Variants in ZP3 observed in about 807,000 individuals in gnomAD.
The protein encoded by ZP3 is zona pellucida glycoprotein 3.
In ZP3, 21 loss-of-function variants were observed where a neutral mutation model predicts 35.6. That is an observed-to-expected ratio of 0.59 (90% confidence interval 0.42 to 0.85). The LOEUF (loss-of-function observed/expected upper bound fraction) is 0.85. Ranked by LOEUF, ZP3 falls within the 40% of genes least tolerant of loss-of-function variation. ZP3 has a pLI of 0.00. For synonymous variants in ZP3, 207 were observed against 214.5 expected (o/e 0.96, Z 0.31); for missense variants, 437 against 536.5 (o/e 0.81, Z 1.83).
chr7:76,406,911 T>A lies in ZP3; in HGVS notation c.-67+9114T>A, dbSNP rs187944594. On this transcript the variant is annotated intron_variant, in intron 1 of 8. Coordinates refer to the ZP3 transcript ENST00000336517. ...TGTGTCATGGTAACTATGATTTACT[T>A]AATATTTTTCTCATTTTATTGGCAC... is the stretch of plus-strand genomic sequence containing the variant. Among the ~76,000 whole-genome samples the A allele has an allele frequency of 3.3e-4, 51 of 152,242 alleles. No individual in the cohort carries two copies. The East Asian group carries it at 9.5e-3, about 28-fold the overall frequency.
intron 1 of ZP3, among the ~76,000 whole-genome samples, chr7:76,413,044 C>G (rs1175660616): frequency 7.0e-6 from 1 of 143,290 alleles, no homozygotes; most frequent in African/African-American, 2.6e-5. Context: ...TTCACTGCAA[C>G]CTGTGCCTCC....
chr7:76,397,611 C>T (rs1231270858), exon 1 of ZP3: 4 of 1,611,684 alleles, frequency 2.5e-6, no homozygotes, highest in South Asian at 1.1e-5. Context: ...TCGCCGCCTT[C>T]GCAGTGCACG....
In ZP3 at chr7:76,400,580, C is replaced by G. The variant is rs369258749; in HGVS notation, c.-67+2783C>G. On this transcript the variant is annotated intron_variant, in intron 1 of 8. Coordinates refer to the ZP3 transcript ENST00000336517. ...CCCCGGCAGCGGCTGGGGCCCCCCA[C>G]CAGCCTCAGCTCTGTGAAGAGGGTG... 33 of 1,475,662 alleles carry G rather than the reference C, an allele frequency of 2.2e-5. 1 individual carries two copies. In the East Asian group the frequency reaches 8.4e-4, roughly 38 times the overall value. 91.4% of individuals were successfully genotyped at this position (1,475,662 alleles called of 1,614,324 possible). A position where few individuals can be genotyped will look rare whatever the true frequency, so the allele number is the denominator to read the frequency against.
rs1315929976 is a variant in ZP3 at position 76,433,624 on chromosome 7, T to A, written c.690T>A (p.Tyr230Ter). The A allele has an allele frequency of 2.5e-6, 4 of 1,611,638 alleles. No homozygotes were observed. Among genetic ancestry groups the A allele is most frequent in the Admixed American group, 1.7e-5 (1 of 59,724 alleles). ...TPTPDQNASP[Y>*]HTIVDFHGCL... is the part of the protein sequence containing the mutation. Reference sequence around the variant, plus strand: ...CACCAGACCAGAATGCCTCCCCTTATCACACCATCGTGGACTTCCATGGGT... The same window carrying A: ...CACCAGACCAGAATGCCTCCCCTTAACACACCATCGTGGACTTCCATGGGT... Residue 230 changes from tyrosine to a stop codon, truncating the protein, a stop_gained, in exon 4 of 8, where the codon TAT (tyrosine) becomes TAA (stop). Coordinates refer to ENST00000394857, the MANE Select transcript of ZP3 (RefSeq NM_001110354.2). LOFTEE classifies it high-confidence loss of function.
upstream of ZP3, among the ~76,000 whole-genome samples, chr7:76,423,023 GAGAGAAAGAAAGAAAGAAAGAAAGAA>G (rs1464546764): frequency 3.0e-5 from 3 of 98,834 alleles, no homozygotes; most frequent in East Asian, 2.9e-4. Flanking sequence ...GAGAGAGAGA[GAGAGAAAGAAAGAAAGAAAGAAAGAA>G]AGAAAGAAAG....
chr7:76,421,445 G>C (rs1032761746), upstream of ZP3, among the ~76,000 whole-genome samples: 13 of 151,706 alleles, frequency 8.6e-5, no homozygotes, highest in Admixed American at 8.6e-4. Flanking sequence ...GTAGAGATGG[G>C]GCCTCACTGT....
At chr7:76,409,155 T>G (rs1024749956) in intron 1 of ZP3, among the ~76,000 whole-genome samples, 1 of 152,062 alleles carries the variant, frequency 6.6e-6, no homozygotes, top group African/African-American at 2.4e-5. Flanking sequence ...GTGGTTGCCC[T>G]TGGCACAGGG....
chr7:76,406,279 G>T (rs1805029254), intron 1 of ZP3, among the ~76,000 whole-genome samples: 1 of 152,100 alleles, frequency 6.6e-6, no homozygotes, highest in African/African-American at 2.4e-5. Flanking sequence ...CACCTGGTCT[G>T]TGCATTCGAA....
At chr7:76,417,346 A>G (rs910053246) in intron 1 of ZP3, among the ~76,000 whole-genome samples, 4 of 152,090 alleles carry the variant, frequency 2.6e-5, no homozygotes, top group African/African-American at 9.7e-5. Context: ...GGCGTGAGCC[A>G]CCGTGCCCGG....
chr7:76,425,380 T>C, intron 1 of ZP3, 104 bp downstream of exon 1: 1 of 1,277,168 alleles, frequency 7.8e-7, no homozygotes, highest in Non-Finnish European at 1.1e-6. Context: ...GGTGGATCCC[T>C]CTCACTTGTA....
intron 1 of ZP3, among the ~76,000 whole-genome samples, chr7:76,418,576 G>T (rs1476414101): frequency 8.5e-6 from 1 of 117,562 alleles, no homozygotes; most frequent in African/African-American, 3.3e-5. Flanking sequence ...AAAAAAAAAG[G>T]CTGGGCACAG....
chr7:76,416,098 C>G (rs1805363507), intron 1 of ZP3, among the ~76,000 whole-genome samples: 2 of 151,060 alleles, frequency 1.3e-5, no homozygotes, highest in South Asian at 4.2e-4. Context: ...CCATTGCACT[C>G]CAGCCTGGGC....
intron 1 of ZP3, chr7:76,404,355 G>A (rs748947448): frequency 2.5e-6 from 4 of 1,613,124 alleles, no homozygotes; most frequent in African/African-American, 2.7e-5. Flanking sequence ...AGGAAGGGAG[G>A]GGCAGCACTC....
At chr7:76,400,554 G>A in intron 1 of ZP3, 1 of 1,510,072 alleles carries the variant, frequency 6.6e-7, no homozygotes, top group Non-Finnish European at 8.9e-7. Context: ...CTTCCAGGCG[G>A]CCCCGGCAGC....
chr7:76,405,986 T>TTCTTC (rs1805015106), intron 1 of ZP3, among the ~76,000 whole-genome samples: 1 of 143,700 alleles, frequency 7.0e-6, no homozygotes, highest in Non-Finnish European at 1.5e-5. Flanking sequence ...TTCCTTTCTT[T>TTCTTC]TCTTTTCTTT....
intron 1 of ZP3, among the ~76,000 whole-genome samples, chr7:76,401,971 A>G (rs1804844927): frequency 6.6e-6 from 1 of 151,814 alleles, no homozygotes; most frequent in African/African-American, 2.4e-5. Flanking sequence ...GATTCATCAT[A>G]TTTCCCTCCC....
At chr7:76,417,795 G>A (rs947437028) in intron 1 of ZP3, among the ~76,000 whole-genome samples, 18 of 151,082 alleles carry the variant, frequency 1.2e-4, no homozygotes, top group African/African-American at 4.1e-4. Context: ...TTTATTTCTT[G>A]CAGAGATGGG....
At chr7:76,408,146 T>C (rs904217645) in intron 1 of ZP3, among the ~76,000 whole-genome samples, 1 of 152,082 alleles carries the variant, frequency 6.6e-6, no homozygotes, top group South Asian at 2.1e-4. Flanking sequence ...CTGGGGGACA[T>C]GGGTGCTTGT....
chr7:76,402,507 A>AG (rs1387358321), intron 1 of ZP3, among the ~76,000 whole-genome samples: 3 of 151,434 alleles, frequency 2.0e-5, no homozygotes, highest in Non-Finnish European at 4.4e-5. Flanking sequence ...TTGTAGAGAC[A>AG]GGGGTCTCAC....
Sources: allele counts gnomAD v4.1 joint callset (sites outside exome capture counted in the v4.1 genomes callset), GRCh38; gene constraint gnomAD v4.1.1; transcripts MANE v1.5; gene names NCBI Gene and HGNC (gene_info 2026-07-23, HGNC 2026-07-21).